Variants in ALK observed in about 807,000 individuals in gnomAD.
ALK encodes ALK tyrosine kinase receptor.
A neutral mutation model predicts 163.1 loss-of-function variants in ALK; 74 were observed. The ratio of observed to expected loss-of-function variants is 0.45; its 90% CI spans 0.38 to 0.55. ALK has a LOEUF of 0.55. ALK is among the 20% of genes least tolerant of loss of function. ALK has a pLI of 0.00. For synonymous variants in ALK, 960 were observed against 843.2 expected, an observed-to-expected ratio of 1.14 and a Z score of -2.40; for missense variants, 2,063 against 2,105.3, an observed-to-expected ratio of 0.98 and a Z score of 0.39.
chr2:29,547,362 C>T (rs559818952), intron 3 of ALK, among the ~76,000 whole-genome samples: 4 of 152,234 alleles, frequency 2.6e-5, no homozygotes, highest in Admixed American at 6.5e-5. Context: ...TTTGGGAGGC[C>T]GAGGTGGGCA....
chr2:29,315,745 A>C (rs1666815158), intron 8 of ALK, among the ~76,000 whole-genome samples: 1 of 152,214 alleles, frequency 6.6e-6, no homozygotes, highest in Non-Finnish European at 1.5e-5. Flanking sequence ...GAAATTCTTG[A>C]AGATGACACC....
At chr2:29,296,799 T>A in intron 9 of ALK, 89 bp downstream of exon 9, 1 of 1,561,408 alleles carries the variant, frequency 6.4e-7, no homozygotes, top group African/African-American at 1.4e-5. Flanking sequence ...GTGTCTTGGG[T>A]AAAAGGCACG....
chr2:29,372,783 G>A (rs183096176), intron 5 of ALK, among the ~76,000 whole-genome samples: 1 of 152,070 alleles, frequency 6.6e-6, no homozygotes, highest in East Asian at 1.9e-4. Context: ...GCATCTTTTT[G>A]GCCATTTCAC....
At chr2:29,660,364 CAAG>C in intron 3 of ALK, among the ~76,000 whole-genome samples, 1 of 152,254 alleles carries the variant, frequency 6.6e-6, no homozygotes, top group East Asian at 1.9e-4. Context: ...GAACTGGAAA[CAAG>C]AAGAGTTGCC....
At chr2:29,275,698 G>A (rs1340893222) in intron 9 of ALK, among the ~76,000 whole-genome samples, 6 of 152,140 alleles carry the variant, frequency 3.9e-5, no homozygotes, top group Non-Finnish European at 7.4e-5. Flanking sequence ...CCGAACTATC[G>A]CTCCGTACTG....
intron 1 of ALK, among the ~76,000 whole-genome samples, chr2:29,883,707 G>A (rs1302662161): frequency 6.6e-6 from 1 of 152,206 alleles, no homozygotes; most frequent in Non-Finnish European, 1.5e-5. Context: ...TTTCTCATAT[G>A]CCAATTAAAT....
chr2:29,198,515 CAGGGTAATTA>C (rs1368932331), intron 26 of ALK, among the ~76,000 whole-genome samples: 3 of 152,108 alleles, frequency 2.0e-5, no homozygotes, highest in Non-Finnish European at 2.9e-5. Context: ...TCTAGTAATT[CAGGGTAATTA>C]CTGAATTAAA....
At chr2:29,444,701 CA>C (rs1311411359) in intron 4 of ALK, among the ~76,000 whole-genome samples, 10 of 152,072 alleles carry the variant, frequency 6.6e-5, no homozygotes, top group African/African-American at 2.4e-4. Flanking sequence ...TTATTAAACT[CA>C]AAAGTTCATT....
chr2:29,311,372 G>A (rs765710879), intron 8 of ALK, among the ~76,000 whole-genome samples: 1 of 152,184 alleles, frequency 6.6e-6, no homozygotes, highest in Non-Finnish European at 1.5e-5. Flanking sequence ...GTTTCTTAGA[G>A]TAGGGGCACA....
Position 29,687,164 on chromosome 2 carries a change from G to A in ALK, c.952+7686C>T, listed in dbSNP as rs1038980642. 2.8e-4 allele frequency among the ~76,000 whole-genome samples: 43 copies of A among 152,126 alleles called. 1 individual carries two copies. The highest frequency in any genetic ancestry group is 2.7e-3 in the Admixed American group (42 of 15,280). On this transcript the variant is annotated intron_variant, in intron 3 of 28. Coordinates refer to ENST00000389048, the MANE Select transcript of ALK (RefSeq NM_004304.5). ...AGTCTGCAGGGGCAAAAATTGAACT[G>A]AAGTGGGTGTGTTTCTGTACTCTTA... is the stretch of plus-strand genomic sequence containing the variant.
intron 1 of ALK, among the ~76,000 whole-genome samples, chr2:29,804,132 CCTAT>C (rs1310297579): frequency 6.6e-6 from 1 of 152,174 alleles, no homozygotes; most frequent in African/African-American, 2.4e-5. Flanking sequence ...TAAAAGCCTG[CCTAT>C]CTGTGAAGCC....
chr2:29,428,726 T>C (rs1373527892), intron 4 of ALK, among the ~76,000 whole-genome samples: 2 of 151,962 alleles, frequency 1.3e-5, no homozygotes, highest in Admixed American at 1.3e-4. Flanking sequence ...TTTCAAACAA[T>C]AGAAGAAGAG....
At chr2:29,255,324 AGTGG>A (rs1664923828) in intron 11 of ALK, among the ~76,000 whole-genome samples, 1 of 152,196 alleles carries the variant, frequency 6.6e-6, no homozygotes, top group Non-Finnish European at 1.5e-5. Flanking sequence ...GTCACAGCAC[AGTGG>A]GACCTTGGCA....
intron 26 of ALK, among the ~76,000 whole-genome samples, chr2:29,200,253 A>G (rs1669123171): frequency 6.6e-6 from 1 of 152,202 alleles, no homozygotes; most frequent in East Asian, 1.9e-4. Flanking sequence ...AACTGGCAGT[A>G]AGGCCTAAAG....
At chr2:29,331,549 G>C (rs1327932053) in intron 5 of ALK, among the ~76,000 whole-genome samples, 1 of 152,126 alleles carries the variant, frequency 6.6e-6, no homozygotes, top group Non-Finnish European at 1.5e-5. Context: ...TTAATTTTGG[G>C]CATCAATTCT....
intron 1 of ALK, among the ~76,000 whole-genome samples, chr2:29,840,470 C>T (rs543786380): frequency 9.2e-5 from 14 of 152,296 alleles, no homozygotes; most frequent in African/African-American, 3.1e-4. Flanking sequence ...GTAATTCAAA[C>T]ATATTCTCAA....
Position 29,223,527 on chromosome 2 carries a change from C to T in ALK, c.3174G>A (p.Val1058=), listed in dbSNP as rs2148171216. ...GCAGCTCCTGGTGCTTCCGGCGGTA[C>T]ACTGCAGGTGGGTGGTCAGCTGCAA... ...LVLAFSGIMI[V]YRRKHQELQA... Residue 1058 remains valine (V), a splice_region_variant and synonymous_variant, in exon 20 of 29, where the codon GTG becomes GTA. Coordinates refer to ENST00000389048, the MANE Select transcript of ALK (RefSeq NM_004304.5). The T allele has an allele frequency of 6.2e-7, 1 of 1,613,452 alleles. No individual in the cohort carries two copies. The highest frequency in any genetic ancestry group is 8.5e-7 in the Non-Finnish European group (1 of 1,179,992).
chr2:29,623,237 G>A (rs565911105), intron 3 of ALK, among the ~76,000 whole-genome samples: 2 of 152,076 alleles, frequency 1.3e-5, no homozygotes, highest in Admixed American at 1.3e-4. Flanking sequence ...TGTAAACTAT[G>A]AAAAAATGAT....
chr2:29,577,527 CGGA>C (rs2148195191), intron 3 of ALK, among the ~76,000 whole-genome samples: 1 of 152,216 alleles, frequency 6.6e-6, no homozygotes, highest in South Asian at 2.1e-4. Flanking sequence ...TAAGTCTACA[CGGA>C]GGAGATCTGT....
Sources: gnomAD v4.1 joint callset for allele counts (sites outside exome capture counted in the v4.1 genomes callset) on GRCh38, gnomAD v4.1.1 for gene constraint, MANE v1.5 for transcripts, NCBI Gene and HGNC (gene_info 2026-07-23, HGNC 2026-07-21) for gene names.